The following ABCD3 variants were observed in gnomAD, a reference collection of about 807,000 sequenced individuals.
The protein encoded by ABCD3 is ATP-binding cassette sub-family D member 3.
ABCD3 carries 41 observed loss-of-function variants against 105.5 expected under a neutral mutation model. The observed-to-expected ratio is 0.39, with a 90% confidence interval of 0.30 to 0.50. The LOEUF is 0.50. ABCD3 is among the 20% of genes least tolerant of loss of function. ABCD3 has a pLI of 0.84. For synonymous variants in ABCD3, 258 were observed against 269.0 expected, an observed-to-expected ratio of 0.96 and a Z score of 0.40; for missense variants, 622 against 806.3, an observed-to-expected ratio of 0.77 and a Z score of 2.77.
chr1:94,404,880 A>G, the ABCD3 span, among the ~76,000 whole-genome samples: 2 of 151,536 alleles, frequency 1.3e-5, no homozygotes, highest in Non-Finnish European at 2.9e-5. Context: ...CGGAGGTTGC[A>G]ATGAGCTGAT....
intron 1 of ABCD3, among the ~76,000 whole-genome samples, chr1:94,435,721 T>G (rs980301668): frequency 1.3e-5 from 2 of 152,226 alleles, no homozygotes; most frequent in Admixed American, 1.3e-4. Flanking sequence ...ATCTGGTTAG[T>G]AGTTGTACCT....
intron 3 of ABCD3, among the ~76,000 whole-genome samples, 165 bp downstream of exon 3, chr1:94,465,038 C>T (rs571976932): frequency 1.3e-5 from 2 of 152,278 alleles, no homozygotes; most frequent in East Asian, 3.9e-4. Context: ...CCTCAGGAAG[C>T]TGGCAATCAC....
In ABCD3 at chr1:94,428,074, G is replaced by GT. The variant is rs969731497; in HGVS notation, c.110+9497dup. On this transcript the variant is annotated intron_variant, in intron 1 of 22. Coordinates refer to ENST00000370214, the MANE Select transcript of ABCD3 (RefSeq NM_002858.4). ...ATAGGAGTATGCTAAAAGGTGTTTT[G>GT]TTTTTTTTTTTATTTTTTATTTTTT... is the stretch of plus-strand genomic sequence containing the variant. Among the ~76,000 whole-genome samples the GT allele has an allele frequency of 2.7e-3, 342 of 126,444 alleles. 4 individuals are homozygous for GT. Among genetic ancestry groups the GT allele is most frequent in the African/African-American group, 6.4e-3 (247 of 38,446 alleles). The allele number at this position is 126,444 out of a possible 152,430, so 83.0% of individuals were successfully genotyped here. A position where few individuals can be genotyped will look rare whatever the true frequency, so the allele number is the denominator to read the frequency against.
intron 9 of ABCD3, among the ~76,000 whole-genome samples, chr1:94,480,931 A>G (rs1012065789): frequency 6.6e-5 from 10 of 152,210 alleles, no homozygotes; most frequent in Non-Finnish European, 1.3e-4. Flanking sequence ...TTTTGTCTCA[A>G]TTTTTCCACA....
At chr1:94,440,496 C>T (rs1660092957) in intron 1 of ABCD3, among the ~76,000 whole-genome samples, 1 of 152,258 alleles carries the variant, frequency 6.6e-6, no homozygotes, top group Admixed American at 6.5e-5. Context: ...CTGCTCCAAG[C>T]CCAATAGACA....
At chr1:94,463,075 A>G (rs565049916) in intron 2 of ABCD3, among the ~76,000 whole-genome samples, 1 of 152,226 alleles carries the variant, frequency 6.6e-6, no homozygotes, top group South Asian at 2.1e-4. Flanking sequence ...ATCATTTGGA[A>G]TAGGGTTTGG....
chr1:94,410,010 C>T, the ABCD3 span, among the ~76,000 whole-genome samples: 1 of 152,176 alleles, frequency 6.6e-6, no homozygotes, highest in Non-Finnish European at 1.5e-5. Flanking sequence ...AGATGGACTC[C>T]ATATACAGAC....
intron 1 of ABCD3, among the ~76,000 whole-genome samples, chr1:94,443,704 G>T (rs1276580981): frequency 6.6e-6 from 1 of 152,138 alleles, no homozygotes; most frequent in Non-Finnish European, 1.5e-5. Flanking sequence ...ACATGGCTAT[G>T]TAATTTTCCC....
At chr1:94,511,953 C>A (rs1176226596) in intron 21 of ABCD3, among the ~76,000 whole-genome samples, 1 of 152,114 alleles carries the variant, frequency 6.6e-6, no homozygotes, top group Non-Finnish European at 1.5e-5. Context: ...TCCCGTAGCT[C>A]GGAGTAATTT....
chr1:94,460,361 G>T (rs560608848), intron 2 of ABCD3, among the ~76,000 whole-genome samples: 1 of 152,152 alleles, frequency 6.6e-6, no homozygotes, highest in East Asian at 1.9e-4. Context: ...TAAGGACCAA[G>T]GAGATTGCTC....
At chr1:94,490,362 A>G (rs994405735) in intron 15 of ABCD3, among the ~76,000 whole-genome samples, 1 of 151,932 alleles carries the variant, frequency 6.6e-6, no homozygotes, top group African/African-American at 2.4e-5. Context: ...CATCACTGAA[A>G]TGTTGTGCCA....
the ABCD3 span, among the ~76,000 whole-genome samples, chr1:94,404,134 T>A: frequency 1.3e-5 from 2 of 152,234 alleles, no homozygotes; most frequent in Non-Finnish European, 2.9e-5. Flanking sequence ...GAATTCTTTT[T>A]GGTTTTCTCC....
intron 1 of ABCD3, chr1:94,455,879 G>A: frequency 1.6e-6 from 2 of 1,212,390 alleles, no homozygotes; most frequent in Non-Finnish European, 1.1e-6. Flanking sequence ...TTATCTCTAA[G>A]TATCAATTTA....
At chr1:94,465,325 T>G (rs548652135) in intron 3 of ABCD3, among the ~76,000 whole-genome samples, 24 of 152,290 alleles carry the variant, frequency 1.6e-4, no homozygotes, top group African/African-American at 5.8e-4. Flanking sequence ...TATGTAAGAT[T>G]AGAACAGTAA....
intron 20 of ABCD3, 28 bp from the exon 21 acceptor site, chr1:94,506,510 T>C (rs1246328485): frequency 6.7e-7 from 1 of 1,495,278 alleles, no homozygotes. Context: ...GCCTGTGTTT[T>C]ACACAAAAAA....
intron 4 of ABCD3, among the ~76,000 whole-genome samples, chr1:94,471,935 T>C (rs1648475321): frequency 6.6e-6 from 1 of 152,142 alleles, no homozygotes; most frequent in Non-Finnish European, 1.5e-5. Flanking sequence ...CAAATCTTAA[T>C]AGGAAAGACA....
At chr1:94,490,353 A>G (rs1557684581) in intron 15 of ABCD3, among the ~76,000 whole-genome samples, 1 of 151,986 alleles carries the variant, frequency 6.6e-6, no homozygotes, top group Non-Finnish European at 1.5e-5. Flanking sequence ...TTCTTCTGGC[A>G]TCACTGAAAT....
chr1:94,518,172 T>G lies in ABCD3; in HGVS notation c.*1043T>G, dbSNP rs1651012711. ...GAATCTTGAATAACTTTTTTATATTTGGGTTATGATGTCAAACGATCCTAA... is the reference window on the plus strand; with the variant it reads ...GAATCTTGAATAACTTTTTTATATTGGGGTTATGATGTCAAACGATCCTAA... On this transcript the variant is annotated 3_prime_UTR_variant, in exon 23 of 23. Coordinates refer to ENST00000370214, the MANE Select transcript of ABCD3 (RefSeq NM_002858.4). 6.6e-6 allele frequency: 1 copy of G among 152,332 alleles called. No homozygotes were observed. Among genetic ancestry groups the G allele is most frequent in the African/African-American group, 2.4e-5 (1 of 41,416 alleles). 9.4% of individuals were successfully genotyped at this position (152,332 alleles called of 1,614,324 possible).
the ABCD3 span, among the ~76,000 whole-genome samples, chr1:94,410,305 T>C: frequency 6.6e-6 from 1 of 152,230 alleles, no homozygotes; most frequent in South Asian, 2.1e-4. Context: ...TGGTTATTAT[T>C]ATTATGGTAT....
Sources: allele counts gnomAD v4.1 joint callset (sites outside exome capture counted in the v4.1 genomes callset), GRCh38; gene constraint gnomAD v4.1.1; transcripts MANE v1.5; gene names NCBI Gene and HGNC (gene_info 2026-07-23, HGNC 2026-07-21).